RORA: variants seen among roughly 807,000 people sequenced by gnomAD.
The protein encoded by RORA is nuclear receptor ROR-alpha.
A neutral mutation model predicts 69.5 loss-of-function variants in RORA; 7 were observed. The observed-to-expected ratio is 0.10, with a 90% CI of 0.06 to 0.19. RORA has a LOEUF of 0.19. Ranked by LOEUF, RORA falls within the 10% of genes least tolerant of loss-of-function variation. RORA has a pLI of 1.00. For synonymous variants in RORA, 261 were observed against 240.8 expected (o/e 1.08, Z -0.78); for missense variants, 457 against 663.0 (o/e 0.69, Z 3.41).
At chr15:60,635,318 A>C (rs2069815605) in intron 2 of RORA, among the ~76,000 whole-genome samples, 1 of 152,312 alleles carries the variant, frequency 6.6e-6, no homozygotes, top group South Asian at 2.1e-4. Flanking sequence ...TGTATTGCTG[A>C]ATTCTGTGTT....
At chr15:60,708,430 A>AG (rs1454355904) in intron 1 of RORA, among the ~76,000 whole-genome samples, 1 of 152,012 alleles carries the variant, frequency 6.6e-6, no homozygotes, top group Non-Finnish European at 1.5e-5. Context: ...AAAAAAAAAA[A>AG]AAGGAAAAAA....
chr15:60,958,507 C>T (rs1893332079), intron 1 of RORA, among the ~76,000 whole-genome samples: 1 of 152,074 alleles, frequency 6.6e-6, no homozygotes, highest in Admixed American at 6.6e-5. Context: ...AATTGCCTAG[C>T]GTAGATGCTC....
chr15:60,869,755 T>A (rs1356000382), intron 1 of RORA, among the ~76,000 whole-genome samples: 7 of 152,132 alleles, frequency 4.6e-5, no homozygotes, highest in African/African-American at 1.7e-4. Context: ...TGGAAAACCA[T>A]AAAATGGACA....
chr15:60,540,621 C>G (rs1368592791), intron 2 of RORA, among the ~76,000 whole-genome samples: 1 of 137,832 alleles, frequency 7.3e-6, no homozygotes, highest in Non-Finnish European at 1.5e-5. Flanking sequence ...GTAAGATGTG[C>G]AGAAATGGGT....
chr15:60,687,831 T>C (rs565524707), intron 1 of RORA, among the ~76,000 whole-genome samples: 1 of 152,234 alleles, frequency 6.6e-6, no homozygotes, highest in Non-Finnish European at 1.5e-5. Context: ...AGATTAGATG[T>C]ACAAGCTATG....
chr15:61,017,118 C>T (rs1053766937), intron 1 of RORA, among the ~76,000 whole-genome samples: 2 of 152,140 alleles, frequency 1.3e-5, no homozygotes, highest in Non-Finnish European at 2.9e-5. Flanking sequence ...GAATATATCA[C>T]ATAAAGCAGG....
At chr15:60,656,747 C>T (rs760152772) in intron 2 of RORA, among the ~76,000 whole-genome samples, 1 of 152,124 alleles carries the variant, frequency 6.6e-6, no homozygotes, top group Non-Finnish European at 1.5e-5. Context: ...CCAGGCAAGC[C>T]AAATCAAATA....
intron 1 of RORA, among the ~76,000 whole-genome samples, chr15:61,016,575 T>C (rs1431212606): frequency 6.6e-6 from 1 of 152,170 alleles, no homozygotes; most frequent in Non-Finnish European, 1.5e-5. Context: ...GAACACTCCT[T>C]GGAAGGAGTG....
chr15:60,947,112 G>T (rs1012326958), intron 1 of RORA, among the ~76,000 whole-genome samples: 1 of 148,624 alleles, frequency 6.7e-6, no homozygotes, highest in Non-Finnish European at 1.5e-5. Context: ...GAGGGAGGTG[G>T]GGGGGTCAGC....
intron 2 of RORA, among the ~76,000 whole-genome samples, chr15:60,648,776 C>T (rs980659755): frequency 7.9e-5 from 12 of 152,160 alleles, no homozygotes; most frequent in Admixed American, 7.9e-4. Flanking sequence ...CTGGAAACAT[C>T]CTCTTAATTC....
intron 3 of RORA, among the ~76,000 whole-genome samples, chr15:60,519,084 T>C (rs2066065980): frequency 6.6e-6 from 1 of 152,160 alleles, no homozygotes; most frequent in Non-Finnish European, 1.5e-5. Flanking sequence ...TTCAACTTTA[T>C]CACAGGTCTG....
chr15:60,522,634 G>A (rs187127970), intron 3 of RORA, among the ~76,000 whole-genome samples: 55 of 152,122 alleles, frequency 3.6e-4, no homozygotes, highest in African/African-American at 1.2e-4. Context: ...GCCAGGTGTA[G>A]TGGCATGTGC....
intron 1 of RORA, among the ~76,000 whole-genome samples, chr15:60,840,807 C>T (rs951044747): frequency 4.6e-5 from 7 of 152,168 alleles, no homozygotes; most frequent in South Asian, 2.1e-4. Flanking sequence ...CTCCGTGGCC[C>T]GGCAGCCTGA....
rs555915393 is a variant in RORA at position 61,061,396 on chromosome 15, A to AATAAATACATACATAC, written c.166+167656_166+167657insGTATGTATGTATTTAT. Among the ~76,000 whole-genome samples, 261 of 150,032 alleles carry AATAAATACATACATAC rather than the reference A, an allele frequency of 1.7e-3. No homozygotes were observed. Among genetic ancestry groups the AATAAATACATACATAC allele is most frequent in the African/African-American group, 4.6e-3 (187 of 40,596 alleles). ...AAATAAATAAATAAATAAATAAATA[A>AATAAATACATACATAC]ATACAAGGGCATCGCAGGAAGTCCT... is the stretch of plus-strand genomic sequence containing the variant. On this transcript the variant is annotated intron_variant, in intron 1 of 10. Coordinates refer to ENST00000335670, the MANE Select transcript of RORA (RefSeq NM_134261.3). This position sits in a 1 kb window ranked among gnomAD's most constrained non-coding sequence, Gnocchi z 4.4.
At chr15:61,072,035 T>C (rs1402544018) in intron 1 of RORA, among the ~76,000 whole-genome samples, 1 of 152,144 alleles carries the variant, frequency 6.6e-6, no homozygotes, top group Non-Finnish European at 1.5e-5. Context: ...CTGGAGGATA[T>C]TTATAATTAT....
intron 1 of RORA, among the ~76,000 whole-genome samples, chr15:60,749,141 T>A (rs2071688196): frequency 6.6e-6 from 1 of 152,224 alleles, no homozygotes; most frequent in African/African-American, 2.4e-5. Context: ...TTGAGAAACA[T>A]GGCTCTATGC....
In RORA at chr15:60,511,657, G is replaced by A. The variant is rs199587880; in HGVS notation, c.425-36C>T. On this transcript the variant is annotated intron_variant, in intron 4 of 10. Coordinates refer to ENST00000335670, the MANE Select transcript of RORA (RefSeq NM_134261.3). The surrounding 1 kb of genome is among the most constrained non-coding windows in gnomAD (Gnocchi z 6.4). ...AAAGCCAAACCATACTACATACAAT[G>A]CGCTTTTCTTCAATATTCTCTCCTG... is the stretch of plus-strand genomic sequence containing the variant. The A allele has an allele frequency of 4.6e-5, 72 of 1,549,450 alleles. No individual in the cohort carries two copies. The highest frequency in any genetic ancestry group is 2.6e-4 in the Admixed American group (13 of 50,260).
rs548286972 is a variant in RORA at position 60,493,987 on chromosome 15, A to ACACACACACT, written c.*3467_*3468insAGTGTGTGTG. On this transcript the variant is annotated 3_prime_UTR_variant, in exon 11 of 11. Coordinates refer to ENST00000335670, the MANE Select transcript of RORA (RefSeq NM_134261.3). ...CACACACACACACACACACACACAC[A>ACACACACACT]CTCCTTCCTCACCTGACCCTCAGCC... The ACACACACACT allele has an allele frequency of 6.5e-5, 9 of 139,254 alleles. No homozygotes were observed. Among genetic ancestry groups the ACACACACACT allele is most frequent in the African/African-American group, 1.6e-4 (6 of 37,734 alleles). 8.6% of individuals were successfully genotyped at this position (139,254 alleles called of 1,614,324 possible).
At chr15:60,787,388 T>C (rs1258775397) in intron 1 of RORA, among the ~76,000 whole-genome samples, 1 of 152,242 alleles carries the variant, frequency 6.6e-6, no homozygotes, top group Non-Finnish European at 1.5e-5. Flanking sequence ...AACTGTGGCA[T>C]TTCTTCACAA....
Sources: allele counts gnomAD v4.1 joint callset (sites outside exome capture counted in the v4.1 genomes callset), GRCh38; gene constraint gnomAD v4.1.1; non-coding constraint Gnocchi (gnomAD v3.1); transcripts MANE v1.5; gene names NCBI Gene and HGNC (gene_info 2026-07-23, HGNC 2026-07-21).